CADPS: variants seen among roughly 807,000 people sequenced by gnomAD.
CADPS encodes the protein calcium-dependent secretion activator 1.
CADPS carries 57 observed loss-of-function variants against 167.3 expected under a neutral mutation model. The ratio of observed to expected loss-of-function variants is 0.34; its 90% CI spans 0.28 to 0.42. CADPS has a LOEUF of 0.42. CADPS is among the 20% of genes least tolerant of loss of function. CADPS has a pLI of 1.00. For missense variants in CADPS, 1,414 were observed against 1,738.1 expected, an observed-to-expected ratio of 0.81 and a Z score of 3.32; for synonymous variants, 676 against 635.3, an observed-to-expected ratio of 1.06 and a Z score of -0.96.
At chr3:62,522,251 T>C (rs1289137943) in intron 13 of CADPS, among the ~76,000 whole-genome samples, 1 of 152,150 alleles carries the variant, frequency 6.6e-6, no homozygotes, top group Non-Finnish European at 1.5e-5. Flanking sequence ...ATCCTCCTAC[T>C]GCAGCCTCCT....
intron 3 of CADPS, among the ~76,000 whole-genome samples, chr3:62,751,581 C>A (rs2082709378): frequency 6.6e-6 from 1 of 152,034 alleles, no homozygotes; most frequent in Non-Finnish European, 1.5e-5. Context: ...CTCCATCATG[C>A]CTGGCTAATT....
intron 8 of CADPS, among the ~76,000 whole-genome samples, chr3:62,577,303 T>C (rs1243098920): frequency 6.6e-6 from 1 of 152,186 alleles, no homozygotes; most frequent in Non-Finnish European, 1.5e-5. Context: ...CTCTTGGAAT[T>C]TTCAAGTATA....
intron 1 of CADPS, among the ~76,000 whole-genome samples, chr3:62,841,595 T>C (rs188587388): frequency 4.6e-5 from 7 of 152,286 alleles, no homozygotes; most frequent in Non-Finnish European, 1.0e-4. Flanking sequence ...CATGTGCCTG[T>C]AGTCCCAGCC....
intron 17 of CADPS, among the ~76,000 whole-genome samples, chr3:62,505,211 A>C (rs6445274): frequency 0.93 from 142,258 of 152,222 alleles, 66,685 homozygotes; most frequent in South Asian, 0.98. Context: ...AATACAATTT[A>C]TTTAGTGGGA....
At chr3:62,637,657 T>A (rs1419508515) in intron 6 of CADPS, among the ~76,000 whole-genome samples, 1 of 152,204 alleles carries the variant, frequency 6.6e-6, no homozygotes, top group African/African-American at 2.4e-5. Context: ...GATAGTTTTG[T>A]TGAATATTCA....
At chr3:62,816,762 A>T (rs1205255560) in intron 1 of CADPS, among the ~76,000 whole-genome samples, 1 of 152,094 alleles carries the variant, frequency 6.6e-6, no homozygotes, top group African/African-American at 2.4e-5. Context: ...CTCTTAGAGC[A>T]AACCAAACAG....
chr3:62,718,400 A>G (rs1030802961), intron 3 of CADPS, among the ~76,000 whole-genome samples: 4 of 152,212 alleles, frequency 2.6e-5, no homozygotes, highest in Non-Finnish European at 4.4e-5. Flanking sequence ...TTCTACCTGT[A>G]AAGAGTTTCT....
chr3:62,614,587 C>T (rs538724712), intron 6 of CADPS, among the ~76,000 whole-genome samples: 1 of 152,284 alleles, frequency 6.6e-6, no homozygotes, highest in East Asian at 1.9e-4. Context: ...TGTTGTCTGG[C>T]TCTTGTAAAC....
chr3:62,442,474 C>T lies in CADPS; in HGVS notation c.3669+3291G>A, dbSNP rs547521011. On this transcript the variant is annotated intron_variant, in intron 27 of 29. Coordinates refer to ENST00000383710, the MANE Select transcript of CADPS (RefSeq NM_003716.4). ...ACTCAGGTGATCCACCCACCTTGGC[C>T]TCCCAAAGTGCTGGTATTATAGGCG... 5.3e-5 allele frequency among the ~76,000 whole-genome samples: 8 copies of T among 152,238 alleles called. No individual in the cohort carries two copies. In the East Asian group the frequency reaches 1.5e-3, roughly 29 times the overall value.
At chr3:62,858,444 A>T (rs1038013859) in intron 1 of CADPS, among the ~76,000 whole-genome samples, 7 of 152,112 alleles carry the variant, frequency 4.6e-5, no homozygotes, top group African/African-American at 1.7e-4. Context: ...TCACCTGGGC[A>T]CCTGTGAGCC....
At chr3:62,553,445 G>C (rs558477673) in intron 10 of CADPS, among the ~76,000 whole-genome samples, 1 of 152,166 alleles carries the variant, frequency 6.6e-6, no homozygotes, top group South Asian at 2.1e-4. Context: ...CACAAAGCTG[G>C]GTTGTATGTG....
chr3:62,584,645 C>G (rs1025183759), intron 8 of CADPS, among the ~76,000 whole-genome samples: 1 of 152,216 alleles, frequency 6.6e-6, no homozygotes, highest in African/African-American at 2.4e-5. Context: ...TTTTGCTTTA[C>G]TTGAAATTAA....
At chr3:62,587,958 C>G (rs540909598) in intron 7 of CADPS, among the ~76,000 whole-genome samples, 71 of 152,330 alleles carry the variant, frequency 4.7e-4, no homozygotes, top group African/African-American at 1.6e-3. Flanking sequence ...AGACCAGACA[C>G]CTCATCTGGA....
intron 6 of CADPS, among the ~76,000 whole-genome samples, chr3:62,642,888 G>T (rs1021846701): frequency 6.6e-6 from 1 of 151,636 alleles, no homozygotes; most frequent in Non-Finnish European, 1.5e-5. Flanking sequence ...TCCAGCCTGG[G>T]TGACAGAGTA....
intron 2 of CADPS, among the ~76,000 whole-genome samples, chr3:62,764,335 A>T (rs1288151204): frequency 6.6e-6 from 1 of 152,214 alleles, no homozygotes; most frequent in Admixed American, 6.5e-5. Context: ...TTCAGCCAAA[A>T]AACTGTACCA....
intron 6 of CADPS, among the ~76,000 whole-genome samples, chr3:62,594,810 G>C (rs1171799584): frequency 6.6e-6 from 1 of 152,140 alleles, no homozygotes; most frequent in Admixed American, 6.5e-5. Context: ...CACTTTCAAG[G>C]CTTGAGATGC....
At chr3:62,718,593 T>C (rs2075136670) in intron 3 of CADPS, among the ~76,000 whole-genome samples, 1 of 152,226 alleles carries the variant, frequency 6.6e-6, no homozygotes. Flanking sequence ...TTATTCTCAT[T>C]CATGTGTAGA....
chr3:62,817,180 G>A (rs1338557971), intron 1 of CADPS, among the ~76,000 whole-genome samples: 4 of 151,708 alleles, frequency 2.6e-5, no homozygotes, highest in East Asian at 1.9e-4. Context: ...TAAACATCAC[G>A]ATAACAGAAT....
intron 26 of CADPS, among the ~76,000 whole-genome samples, chr3:62,457,302 A>T (rs1156400206): frequency 6.6e-6 from 1 of 152,218 alleles, no homozygotes; most frequent in Middle Eastern, 3.2e-3. Context: ...CAATCTGTCT[A>T]AGATTATACT....
Sources: gnomAD v4.1 joint callset for allele counts (sites outside exome capture counted in the v4.1 genomes callset) on GRCh38, gnomAD v4.1.1 for gene constraint, MANE v1.5 for transcripts, NCBI Gene and HGNC (gene_info 2026-07-23, HGNC 2026-07-21) for gene names.